UGT2B4: variants seen among roughly 807,000 people sequenced by gnomAD.
UGT2B4 encodes UDP glucuronosyltransferase family 2 member B4.
Under a neutral mutation model 49.8 loss-of-function variants are expected in UGT2B4, and 49 were observed. The observed-to-expected ratio is 0.98, with a 90% CI of 0.78 to 1.25. The LOEUF (loss-of-function observed/expected upper bound fraction) is 1.25, where lower values mean the gene tolerates loss of function less well. Among genes scored for constraint, UGT2B4 ranks in the 50% most tolerant of loss-of-function variants. The pLI, the probability that UGT2B4 is intolerant of heterozygous loss-of-function variation, is 0.00. For missense variants in UGT2B4, 729 were observed against 627.7 expected, an observed-to-expected ratio of 1.16 and a Z score of -1.73; for synonymous variants, 246 against 217.7, an observed-to-expected ratio of 1.13 and a Z score of -1.14.
chr4:69,486,662 G>A lies in UGT2B4; in HGVS notation c.1037C>T (p.Thr346Ile). The stretch of plus-strand genomic sequence containing the variant: ...GTACAGCCGAGTATTGAGTCCTAAA[G>A]TATCTGGTTTATTCCCATCAAATCT... The part of the protein sequence containing the change: ...LWRFDGNKPD[T>I]LGLNTRLYKW... Residue 346 changes from threonine to isoleucine, a missense_variant, in exon 4 of 6, where the codon ACT becomes ATT. Physicochemically the swap from Thr to Ile is moderately conservative, Grantham distance 89 (BLOSUM62 -1). Transcript: ENST00000305107. The A allele has an allele frequency of 1.9e-6, 3 of 1,608,578 alleles. No individual in the cohort carries two copies. The highest frequency in any genetic ancestry group is 2.5e-6 in the Non-Finnish European group (3 of 1,178,242).
At chr4:69,525,502 C>T (rs1420840742) in intron 1 of UGT2B4, among the ~76,000 whole-genome samples, 1 of 152,014 alleles carries the variant, frequency 6.6e-6, no homozygotes, top group East Asian at 1.9e-4. Flanking sequence ...ATTTGTGTTC[C>T]TTCAGAGCTT....
At chr4:69,489,291 T>A (rs934794761) in intron 3 of UGT2B4, 148 bp downstream of exon 3, 30 of 1,061,502 alleles carry the variant, frequency 2.8e-5, no homozygotes, top group Non-Finnish European at 3.9e-5. Context: ...CTTCCATACA[T>A]ATTTTTGATT....
chr4:69,493,934 G>C, intron 1 of UGT2B4, 93 bp from the exon 2 acceptor site: 2 of 1,413,746 alleles, frequency 1.4e-6, no homozygotes, highest in Non-Finnish European at 1.9e-6. Flanking sequence ...GGGCAAAAAT[G>C]TAGGCAAAGT....
upstream of UGT2B4, among the ~76,000 whole-genome samples, chr4:69,498,244 T>C (rs765253813): frequency 6.6e-6 from 1 of 152,210 alleles, no homozygotes; most frequent in Non-Finnish European, 1.5e-5. Context: ...CTGCAACATC[T>C]CAGAAGTATT....
intron 1 of UGT2B4, among the ~76,000 whole-genome samples, chr4:69,516,299 G>A (rs916733101): frequency 2.2e-4 from 34 of 152,282 alleles, no homozygotes; most frequent in African/African-American, 7.2e-4. Context: ...ACATACATAT[G>A]CATGTATCTT....
chr4:69,507,498 A>T (rs898820564), intron 1 of UGT2B4, among the ~76,000 whole-genome samples: 7 of 152,178 alleles, frequency 4.6e-5, no homozygotes, highest in Non-Finnish European at 8.8e-5. Flanking sequence ...AATACCAAGG[A>T]ATACAGATAG....
At chr4:69,490,838 A>G (rs182183655) in intron 2 of UGT2B4, among the ~76,000 whole-genome samples, 1 of 152,118 alleles carries the variant, frequency 6.6e-6, no homozygotes, top group Non-Finnish European at 1.5e-5. Flanking sequence ...ATTTGATGTA[A>G]CTTACGTTCA....
In UGT2B4 at chr4:69,495,247, C is replaced by T. The variant is rs200618140; in HGVS notation, c.615G>A (p.Met205Ile). The change falls in exon 1 of 6, where the codon ATG (methionine) becomes ATA (isoleucine). Residue 205 changes from methionine (M) to isoleucine (I), a missense_variant. Met to Ile is a conservative substitution (Grantham distance 10). Coordinates refer to ENST00000305107, the MANE Select transcript of UGT2B4 (RefSeq NM_021139.3). Reference protein sequence around the residue: ...PVVMSELSDQMTFIERVKNMI... With the variant: ...PVVMSELSDQITFIERVKNMI... ...TATTTTTTACCCTCTCTATGAAAGT[C>T]ATTTGGTCACTTAGTTCTGACATAA... 5.5e-5 allele frequency: 89 copies of T among 1,612,460 alleles called. No individual in the cohort carries two copies. Among genetic ancestry groups the T allele is most frequent in the Non-Finnish European group, 7.2e-5 (85 of 1,179,570 alleles).
intron 1 of UGT2B4, among the ~76,000 whole-genome samples, chr4:69,522,515 C>A (rs892533461): frequency 6.6e-6 from 1 of 152,078 alleles, no homozygotes; most frequent in Non-Finnish European, 1.5e-5. Flanking sequence ...ATTAAGTGTG[C>A]AAATAACATA....
chr4:69,525,672 AT>A, intron 1 of UGT2B4: 8 of 1,271,276 alleles, frequency 6.3e-6, no homozygotes, highest in Non-Finnish European at 8.2e-6. Flanking sequence ...TCAATGCACA[AT>A]TTATAGCACT....
chr4:69,520,475 G>T (rs1275002282), intron 1 of UGT2B4, among the ~76,000 whole-genome samples: 1 of 152,334 alleles, frequency 6.6e-6, no homozygotes, highest in Non-Finnish European at 1.5e-5. Flanking sequence ...TGTGGCTACA[G>T]ACTTGGGCAT....
At position 69,520,659 on chromosome 4, in the gene UGT2B4, C is replaced by T. The variant is rs540728038; in HGVS notation, c.-106+5028G>A. ...GGACATGTGCATGCTTGGGGCAAGG[C>T]TGACACACCAGCCCCATGACACCTC... On this transcript the variant is annotated intron_variant, in intron 1 of 1. Transcript: ENST00000510114. 2.8e-3 allele frequency among the ~76,000 whole-genome samples: 387 copies of T among 135,812 alleles called. 1 individual carries two copies. The highest frequency in any genetic ancestry group is 9.2e-3 in the African/African-American group (371 of 40,194). 89.1% of individuals were successfully genotyped at this position (135,812 alleles called of 152,430 possible).
At chr4:69,500,241 G>T (rs1450595136), upstream of UGT2B4, among the ~76,000 whole-genome samples, 1 of 152,114 alleles carries the variant, frequency 6.6e-6, no homozygotes, top group Non-Finnish European at 1.5e-5. Context: ...ACTGGGGCCT[G>T]TTGGGATAGG....
intron 1 of UGT2B4, among the ~76,000 whole-genome samples, chr4:69,515,149 A>G (rs1227731077): frequency 2.0e-5 from 3 of 152,210 alleles, no homozygotes; most frequent in African/African-American, 7.2e-5. Context: ...AAGGGCCTTA[A>G]CTTAACTTTG....
chr4:69,521,817 A>C (rs1372219503), intron 1 of UGT2B4, among the ~76,000 whole-genome samples: 1 of 152,244 alleles, frequency 6.6e-6, no homozygotes, highest in African/African-American at 2.4e-5. Flanking sequence ...AAGGTAGCTA[A>C]CATGATCACC....
exon 1 of UGT2B4, chr4:69,525,741 C>A: frequency 1.6e-6 from 2 of 1,265,830 alleles, no homozygotes; most frequent in Non-Finnish European, 2.1e-6. Context: ...ATGATGTAGT[C>A]CCTGTGCTCA....
chr4:69,502,091 C>CTTTT (rs1164693410), intron 1 of UGT2B4, among the ~76,000 whole-genome samples: 1 of 108,416 alleles, frequency 9.2e-6, no homozygotes, highest in African/African-American at 3.4e-5. Flanking sequence ...TTCTTTCTCT[C>CTTTT]TCTTTCTTTC....
chr4:69,499,460 G>A (rs141070169), upstream of UGT2B4, among the ~76,000 whole-genome samples: 1,287 of 152,174 alleles, frequency 8.5e-3, 20 homozygotes, highest in African/African-American at 0.029. Context: ...TTGACAGTGG[G>A]GTGTTAAAGT....
At chr4:69,491,583 T>C (rs1727987174) in intron 2 of UGT2B4, among the ~76,000 whole-genome samples, 1 of 152,176 alleles carries the variant, frequency 6.6e-6, no homozygotes, top group African/African-American at 2.4e-5. Context: ...TTTTACATGA[T>C]AAACAATTAG....
Sources: gnomAD v4.1 joint callset for allele counts (sites outside exome capture counted in the v4.1 genomes callset) on GRCh38, gnomAD v4.1.1 for gene constraint, MANE v1.5 for transcripts, NCBI Gene and HGNC (gene_info 2026-07-23, HGNC 2026-07-21) for gene names.